ZNF267: variants seen among roughly 807,000 people sequenced by gnomAD.
ZNF267 encodes the protein zinc finger (C2H2).
Under a neutral mutation model 71.6 loss-of-function variants are expected in ZNF267, and 61 were observed. The ratio of observed to expected loss-of-function variants is 0.85; its 90% CI spans 0.69 to 1.05. ZNF267 has a LOEUF of 1.05. Ranked by LOEUF, ZNF267 falls within the 50% of genes least tolerant of loss-of-function variation. ZNF267 has a pLI of 0.00. For synonymous variants in ZNF267, 288 were observed against 293.2 expected, an observed-to-expected ratio of 0.98 and a Z score of 0.18; for missense variants, 852 against 870.0, an observed-to-expected ratio of 0.98 and a Z score of 0.26.
In ZNF267 at chr16:31,915,834, T is replaced by A. The variant is rs774793766; in HGVS notation, c.1585T>A (p.Phe529Ile). ...CAAATGCAAAGTATGTGCTAAACCT[T>A]TTACTTGTTTCTCAAATCTTATTGT... ...LYKCKVCAKPFTCFSNLIVHE... is the reference protein window; with the variant it reads ...LYKCKVCAKPITCFSNLIVHE... Residue 529 changes from phenylalanine (F) to isoleucine (I), a missense_variant, in exon 4 of 4, where the codon TTT (phenylalanine) becomes ATT (isoleucine). Transcript: ENST00000300870. The A allele has an allele frequency of 1.2e-6, 2 of 1,613,546 alleles. No homozygotes were observed. Among genetic ancestry groups the A allele is most frequent in the East Asian group, 4.5e-5 (2 of 44,844 alleles).
chr16:31,891,133 G>A (rs537581673), intron 3 of ZNF267, among the ~76,000 whole-genome samples: 121 of 152,070 alleles, frequency 8.0e-4, no homozygotes, highest in African/African-American at 2.8e-3. Context: ...GTTATCAGGA[G>A]ACTTAGATAA....
intron 3 of ZNF267, among the ~76,000 whole-genome samples, chr16:31,886,370 C>T (rs2083924475): frequency 6.6e-6 from 1 of 152,194 alleles, no homozygotes; most frequent in African/African-American, 2.4e-5. Flanking sequence ...GAGGTGTGAC[C>T]ATTGGGCCAG....
In ZNF267 at chr16:31,914,724, A is replaced by G; in HGVS notation, c.475A>G (p.Ser159Gly). 1 of 1,614,178 alleles carries G rather than the reference A, an allele frequency of 6.2e-7. No individual in the cohort carries two copies. Among genetic ancestry groups the G allele is most frequent in the Non-Finnish European group, 8.5e-7 (1 of 1,180,016 alleles). ...HQQILSSCAK[S>G]YNFDQYRKVF... ...GCAAATACTTTCTTCTTGTGCCAAA[A>G]GCTATAACTTTGATCAATATAGGAA... The change falls in exon 4 of 4, where the codon AGC becomes GGC. Residue 159 changes from serine (S) to glycine (G), a missense_variant. By Grantham distance (56) the Ser-to-Gly change is moderately conservative. Coordinates refer to ENST00000300870, the MANE Select transcript of ZNF267 (RefSeq NM_003414.6).
chr16:31,915,380 A>G lies in ZNF267; in HGVS notation c.1131A>G (p.Glu377=). 1.2e-6 allele frequency: 2 copies of G among 1,613,628 alleles called. No individual in the cohort carries two copies. The highest frequency in any genetic ancestry group is 1.1e-5 in the South Asian group (1 of 90,988). The change falls in exon 4 of 4, where the codon GAA becomes GAG. Residue 377 remains glutamate, a synonymous_variant. Coordinates refer to ENST00000300870, the MANE Select transcript of ZNF267 (RefSeq NM_003414.6). The stretch of plus-strand genomic sequence containing the variant: ...AACAGCAGCAAATTGATACTGGAGA[A>G]AACCTTTACAAATGTAAAGCATGTA... ...LTKQQQIDTG[E]NLYKCKACSK...
chr16:31,887,571 A>G (rs2083932520), intron 3 of ZNF267, among the ~76,000 whole-genome samples: 1 of 152,162 alleles, frequency 6.6e-6, no homozygotes, highest in South Asian at 2.1e-4. Flanking sequence ...ATTTTTGTAC[A>G]TAGTATAAGT....
chr16:31,881,675 T>C (rs2083891132), intron 1 of ZNF267, among the ~76,000 whole-genome samples: 3 of 148,270 alleles, frequency 2.0e-5, no homozygotes, highest in Admixed American at 6.7e-5. Context: ...TTCTTCTTTT[T>C]TTTTTTTTTT....
At chr16:31,888,670 T>C (rs1194007248) in intron 3 of ZNF267, among the ~76,000 whole-genome samples, 1 of 152,088 alleles carries the variant, frequency 6.6e-6, no homozygotes, top group Non-Finnish European at 1.5e-5. Flanking sequence ...TAAATCCTAC[T>C]TGATAATGAT....
chr16:31,883,218 GA>G (rs902705490), intron 1 of ZNF267, among the ~76,000 whole-genome samples: 31 of 150,858 alleles, frequency 2.1e-4, no homozygotes, highest in Non-Finnish European at 3.2e-4. Flanking sequence ...ACAAAAACTT[GA>G]AAAAAAATAC....
At chr16:31,875,356 A>G in intron 1 of ZNF267, 1 of 1,263,554 alleles carries the variant, frequency 7.9e-7, no homozygotes, top group Non-Finnish European at 1.0e-6. Context: ...GGCTGAGAGA[A>G]ATCTCCTGGG....
chr16:31,915,556 A>G lies in ZNF267; in HGVS notation c.1307A>G (p.Tyr436Cys). 6.2e-7 allele frequency: 1 copy of G among 1,613,256 alleles called. No individual in the cohort carries two copies. Residue 436 changes from tyrosine to cysteine, a missense_variant, in exon 4 of 4, where the codon TAT becomes TGT. Transcript: ENST00000300870. ...HKRIHTGEKPYKCKECGKAFN... is the reference protein window; with the variant it reads ...HKRIHTGEKPCKCKECGKAFN... ...CGAATTCATACTGGAGAGAAACCTT[A>G]TAAATGTAAAGAATGTGGAAAAGCT... is the stretch of plus-strand genomic sequence containing the variant.
At chr16:31,887,535 A>G (rs1490392770) in intron 3 of ZNF267, among the ~76,000 whole-genome samples, 1 of 152,156 alleles carries the variant, frequency 6.6e-6, no homozygotes, top group Non-Finnish European at 1.5e-5. Context: ...CTGGTTTTGC[A>G]TTTAAGTGTT....
intron 3 of ZNF267, among the ~76,000 whole-genome samples, chr16:31,885,712 C>T (rs2083919593): frequency 6.6e-6 from 1 of 152,158 alleles, no homozygotes; most frequent in African/African-American, 2.4e-5. Context: ...TTTTCTGATA[C>T]ATTAATTTTT....
intron 3 of ZNF267, chr16:31,914,181 G>A: frequency 3.2e-6 from 1 of 315,618 alleles, no homozygotes; most frequent in Non-Finnish European, 5.8e-6. Flanking sequence ...TAGTCCCCTA[G>A]TCACTGTGCT....
rs755254656 is a variant in ZNF267, at chr16:31,914,568, G to A, written c.319G>A (p.Asp107Asn). The change falls in exon 4 of 4, where the codon GAT (aspartate) becomes AAT (asparagine). Residue 107 changes from aspartate (D) to asparagine (N), a missense_variant. Asp to Asn is a conservative substitution (Grantham distance 23). Coordinates refer to ENST00000300870, the MANE Select transcript of ZNF267 (RefSeq NM_003414.6). The stretch of plus-strand genomic sequence containing the variant: ...GATATCGAGGAGACATGGGAGCTGT[G>A]ATCTTGAGAATTTACATTTAAGAAA... The part of the protein sequence containing the change: ...KVISRRHGSC[D>N]LENLHLRKRW... 1.9e-5 allele frequency: 31 copies of A among 1,614,030 alleles called. No homozygotes were observed. The highest frequency in any genetic ancestry group is 2.3e-5 in the Non-Finnish European group (27 of 1,180,028).
chr16:31,907,862 C>A (rs1292960205), intron 3 of ZNF267, among the ~76,000 whole-genome samples: 1 of 151,672 alleles, frequency 6.6e-6, no homozygotes, highest in African/African-American at 2.4e-5. Context: ...TGATGAAACC[C>A]CGTCTCTACT....
At chr16:31,913,223 G>C (rs1278863424) in intron 3 of ZNF267, 2 of 152,158 alleles carry the variant, frequency 1.3e-5, no homozygotes, top group African/African-American at 4.8e-5. Context: ...GGTACCATGT[G>C]GTTGGTCTTG....
At chr16:31,877,252 C>T (rs901830600) in intron 1 of ZNF267, among the ~76,000 whole-genome samples, 4 of 152,146 alleles carry the variant, frequency 2.6e-5, no homozygotes, top group African/African-American at 9.7e-5. Context: ...TTTCCAGTTC[C>T]TTCCCCACAT....
rs767221096 is a variant in ZNF267, at chr16:31,914,523, G to A, written c.274G>A (p.Glu92Lys). 1 of 1,613,892 alleles carries A rather than the reference G, an allele frequency of 6.2e-7. No homozygotes were observed. Among genetic ancestry groups the A allele is most frequent in the Admixed American group, 1.7e-5 (1 of 59,978 alleles). Residue 92 changes from glutamate (E) to lysine (K), a missense_variant, in exon 4 of 4, where the codon GAA (glutamate) becomes AAA (lysine). By Grantham distance (56) the Glu-to-Lys change is moderately conservative. Transcript: ENST00000300870. Reference sequence around the variant, plus strand: ...GGACCTGTTGACAGAGCACTGCACAGAAGCTTCATTCCAAAAAGTGATATC... The same window carrying A: ...GGACCTGTTGACAGAGCACTGCACAAAAGCTTCATTCCAAAAAGTGATATC... The part of the protein sequence containing the change: ...NKDLLTEHCT[E>K]ASFQKVISRR...
rs750862618 is a variant in ZNF267 at position 31,915,855 on chromosome 16, A to G, written c.1606A>G (p.Ile536Val). ...ACCTTTTACTTGTTTCTCAAATCTT[A>G]TTGTGCATGAGAGAATTCATACTGG... ...AKPFTCFSNLIVHERIHTGEK... is the reference protein window; with the variant it reads ...AKPFTCFSNLVVHERIHTGEK... The change falls in exon 4 of 4, where the codon ATT (isoleucine) becomes GTT (valine). Residue 536 changes from isoleucine to valine, a missense_variant. Transcript: ENST00000300870. 4 of 1,613,706 alleles carry G rather than the reference A, an allele frequency of 2.5e-6. No individual in the cohort carries two copies. Among genetic ancestry groups the G allele is most frequent in the Non-Finnish European group, 3.4e-6 (4 of 1,179,988 alleles).
Sources: allele counts gnomAD v4.1 joint callset (sites outside exome capture counted in the v4.1 genomes callset), GRCh38; gene constraint gnomAD v4.1.1; transcripts MANE v1.5; gene names NCBI Gene and HGNC (gene_info 2026-07-23, HGNC 2026-07-21).